The following PARL variants were observed in gnomAD, a reference collection of about 807,000 sequenced individuals.
The protein encoded by PARL is presenilin associated rhomboid like, also known as presenilin-associated rhomboid-like protein, mitochondrial.
A neutral mutation model predicts 51.6 loss-of-function variants in PARL; 44 were observed. That is an observed-to-expected ratio of 0.85 (90% confidence interval 0.67 to 1.10). The LOEUF is 1.10. PARL is among the 50% of genes least tolerant of loss of function. The probability of loss-of-function intolerance (pLI) is 0.00; values close to 1 mark genes in which losing one functional copy is unlikely to be tolerated. For missense variants in PARL, 441 were observed against 469.5 expected (o/e 0.94, Z 0.56); for synonymous variants, 172 against 164.0 (o/e 1.05, Z -0.37).
chr3:183,835,161 T>TA (rs34212336), intron 7 of PARL, among the ~76,000 whole-genome samples: 95,629 of 143,774 alleles, frequency 0.67, 31,953 homozygotes, highest in East Asian at 0.95. Flanking sequence ...ATGAGATGTT[T>TA]AAAAAAAAAA....
At chr3:183,868,107 A>T (rs1560421900) in intron 1 of PARL, 47 bp from the exon 2 acceptor site, 2 of 1,389,594 alleles carry the variant, frequency 1.4e-6, no homozygotes. Flanking sequence ...CGTCTTGCAA[A>T]TATCAACTTC....
intron 1 of PARL, among the ~76,000 whole-genome samples, chr3:183,876,534 CA>C (rs1449386236): frequency 7.1e-6 from 1 of 140,678 alleles, no homozygotes; most frequent in East Asian, 2.1e-4. Context: ...ATACATCAAG[CA>C]GGAATTTCAA....
intron 7 of PARL, among the ~76,000 whole-genome samples, chr3:183,835,574 A>T (rs1577281701): frequency 6.6e-6 from 1 of 152,252 alleles, no homozygotes; most frequent in East Asian, 1.9e-4. Flanking sequence ...TGTGCAAGAG[A>T]CTATAATTGT....
chr3:183,833,733 T>C lies in PARL; in HGVS notation c.921A>G (p.Thr307=), dbSNP rs778914312. The C allele has an allele frequency of 4.4e-6, 7 of 1,602,074 alleles. No homozygotes were observed. In the Admixed American group the frequency reaches 6.7e-5, roughly 15 times the overall value. The change falls in exon 8 of 10, where the codon ACA becomes ACG. Residue 307 remains threonine (T), a synonymous_variant. Transcript: ENST00000317096. ...TCATAAAAATACTTACATTCCCTGC[T>C]GTGAACGTGAACATCGGAAGGAAAA... The part of the protein sequence containing the change: ...AIIFLPMFTF[T]AGNALKAIIA...
intron 1 of PARL, among the ~76,000 whole-genome samples, chr3:183,870,839 C>T (rs963869054): frequency 1.8e-4 from 27 of 152,090 alleles, no homozygotes; most frequent in African/African-American, 4.1e-4. Flanking sequence ...CTCTTAACTA[C>T]GACAATGCTA....
At chr3:183,867,719 CAG>C in intron 2 of PARL, 144 bp downstream of exon 2, 1 of 636,398 alleles carries the variant, frequency 1.6e-6, no homozygotes, top group East Asian at 2.8e-5. Flanking sequence ...AAAAAAAATT[CAG>C]ACTCTATAAT....
intron 4 of PARL, among the ~76,000 whole-genome samples, chr3:183,849,372 GA>G (rs1730305055): frequency 6.6e-6 from 1 of 151,986 alleles, no homozygotes; most frequent in African/African-American, 2.4e-5. Flanking sequence ...AATCAATACA[GA>G]AATAAATTCA....
chr3:183,855,893 T>C (rs1001550871), intron 4 of PARL, among the ~76,000 whole-genome samples: 1 of 151,770 alleles, frequency 6.6e-6, no homozygotes, highest in African/African-American at 2.4e-5. Context: ...CCGGGAGAGA[T>C]TGCAGTGAGC....
chr3:183,876,610 TAAAAAAAAAA>T (rs576376716), intron 1 of PARL, among the ~76,000 whole-genome samples: 238 of 91,820 alleles, frequency 2.6e-3, no homozygotes, highest in African/African-American at 8.5e-3. Flanking sequence ...ATACATTTTG[TAAAAAAAAAA>T]AAAAAAAAAA....
At chr3:183,867,578 C>T (rs115895427) in intron 2 of PARL, among the ~76,000 whole-genome samples, 7,407 of 151,874 alleles carry the variant, frequency 0.049, 193 homozygotes, top group Middle Eastern at 0.085. Context: ...CCAGTGCCTA[C>T]AGTCCCAGCT....
At chr3:183,857,226 G>A (rs1731275298) in intron 4 of PARL, among the ~76,000 whole-genome samples, 1 of 152,192 alleles carries the variant, frequency 6.6e-6, no homozygotes, top group African/African-American at 2.4e-5. Context: ...TCCAGCCTGA[G>A]TGACAAGTGA....
intron 4 of PARL, among the ~76,000 whole-genome samples, chr3:183,847,590 G>GA (rs201013277): frequency 2.2e-3 from 338 of 150,856 alleles, no homozygotes; most frequent in African/African-American, 7.9e-3. Flanking sequence ...TAAATAAAAA[G>GA]AAAAAAAAGG....
chr3:183,856,715 T>A (rs1367549358), intron 4 of PARL, among the ~76,000 whole-genome samples: 1 of 152,250 alleles, frequency 6.6e-6, no homozygotes, highest in Non-Finnish European at 1.5e-5. Context: ...TTGTTATTTC[T>A]CTGTACTCTC....
chr3:183,830,547 T>C (rs1295680692), intron 9 of PARL, among the ~76,000 whole-genome samples: 2 of 152,148 alleles, frequency 1.3e-5, no homozygotes, highest in African/African-American at 4.8e-5. Flanking sequence ...CAGGGGCAGT[T>C]AGTGAGAGCT....
intron 4 of PARL, among the ~76,000 whole-genome samples, chr3:183,860,217 A>G (rs1731648096): frequency 6.6e-6 from 1 of 152,180 alleles, no homozygotes; most frequent in African/African-American, 2.4e-5. Flanking sequence ...TCAGCAAGGA[A>G]AGCTGGACTA....
In PARL at chr3:183,829,550, C is replaced by T. The variant is rs9650; in HGVS notation, c.*48G>A. ...TCACTCTAGCCGATGTCTCCTGGGG[C>T]TCTCAGGCGGCAAGGACCAGATGCA... On this transcript the variant is annotated 3_prime_UTR_variant, in exon 10 of 10. Transcript: ENST00000317096. 1 of 1,614,118 alleles carries T rather than the reference C, an allele frequency of 6.2e-7. No homozygotes were observed. Among genetic ancestry groups the T allele is most frequent in the Non-Finnish European group, 8.5e-7 (1 of 1,180,030 alleles).
intron 4 of PARL, among the ~76,000 whole-genome samples, chr3:183,854,266 C>T (rs1174985498): frequency 3.9e-5 from 6 of 152,078 alleles, no homozygotes; most frequent in Admixed American, 2.0e-4. Flanking sequence ...AATGCATGGT[C>T]GGTCTCAAAG....
chr3:183,842,311 C>T lies in PARL; in HGVS notation c.744G>A (p.Val248=). 6.2e-7 allele frequency: 1 copy of T among 1,612,510 alleles called. No homozygotes were observed. The highest frequency in any genetic ancestry group is 1.1e-5 in the South Asian group (1 of 91,022). The part of the protein sequence containing the change: ...NILGQEQFMA[V]YLSAGVISNF... ...AAAGCATATTACCTGCAGATAGGTA[C>T]ACTGCCATGAACTGCTCTTGACCCA... Residue 248 remains valine (V), a synonymous_variant, in exon 6 of 10, where the codon GTG becomes GTA. Coordinates refer to ENST00000317096, the MANE Select transcript of PARL (RefSeq NM_018622.7).
At chr3:183,840,056 A>T (rs184819848) in intron 7 of PARL, among the ~76,000 whole-genome samples, 2 of 152,244 alleles carry the variant, frequency 1.3e-5, no homozygotes, top group African/African-American at 2.4e-5. Context: ...AAGCATCCAG[A>T]ATATAAGAGC....
Sources: allele counts gnomAD v4.1 joint callset (sites outside exome capture counted in the v4.1 genomes callset), GRCh38; gene constraint gnomAD v4.1.1; transcripts MANE v1.5; gene names NCBI Gene and HGNC (gene_info 2026-07-23, HGNC 2026-07-21).